The following PRELID3A variants were observed in gnomAD, a reference collection of about 807,000 sequenced individuals.
PRELID3A encodes the protein PRELI domain containing 3A.
PRELID3A carries 27 observed loss-of-function variants against 23.0 expected under a neutral mutation model. The ratio of observed to expected loss-of-function variants is 1.17; its 90% CI spans 0.87 to 1.62. The LOEUF is 1.62. Ranked by LOEUF, PRELID3A falls within the 40% of genes most tolerant of loss-of-function variation. PRELID3A has a pLI of 0.00. For synonymous variants in PRELID3A, 87 were observed against 86.4 expected, an observed-to-expected ratio of 1.01 and a Z score of -0.04; for missense variants, 231 against 231.4, an observed-to-expected ratio of 1.00 and a Z score of 0.01.
chr18:12,429,221 A>G lies in PRELID3A; in HGVS notation c.466-129A>G, dbSNP rs2030479539. The G allele has an allele frequency of 1.1e-5, 8 of 724,692 alleles. No individual in the cohort carries two copies. In the African/African-American group the frequency reaches 1.2e-4, roughly 11 times the overall value. The allele number at this position is 724,692 out of a possible 1,614,324, so 44.9% of individuals were successfully genotyped here. A position where few individuals can be genotyped will look rare whatever the true frequency, so the allele number is the denominator to read the frequency against. On this transcript the variant is annotated intron_variant, in intron 5 of 6. Transcript: ENST00000440960. ...CTGCCTGTGTGAAGATCACTCGGAA[A>G]GGTCACTGCTGTGTCTCCTTGTAAC...
intron 3 of PRELID3A, among the ~76,000 whole-genome samples, chr18:12,423,878 C>T (rs1442874940): frequency 2.0e-5 from 3 of 152,208 alleles, no homozygotes; most frequent in Admixed American, 6.5e-5. Flanking sequence ...CAGAGGGCCT[C>T]GGGAGCTCCT....
At chr18:12,424,110 G>A (rs1277357228) in intron 3 of PRELID3A, among the ~76,000 whole-genome samples, 1 of 152,296 alleles carries the variant, frequency 6.6e-6, no homozygotes, top group East Asian at 1.9e-4. Flanking sequence ...CTTGTCCCAG[G>A]CTGCACAAAG....
intron 2 of PRELID3A, chr18:12,421,272 C>G: frequency 2.3e-6 from 1 of 441,376 alleles, no homozygotes. Flanking sequence ...GAGGGGCCTC[C>G]TAGCTCCACT....
intron 6 of PRELID3A, among the ~76,000 whole-genome samples, chr18:12,429,643 G>A (rs999430989): frequency 3.3e-5 from 5 of 152,190 alleles, no homozygotes; most frequent in African/African-American, 9.6e-5. Context: ...TTTAGATTCC[G>A]AGGAAGCTTG....
intron 1 of PRELID3A, among the ~76,000 whole-genome samples, chr18:12,411,094 A>C (rs1909892235): frequency 6.6e-6 from 1 of 152,168 alleles, no homozygotes. Flanking sequence ...ACAGCAGTGT[A>C]AACACTCAGA....
intron 3 of PRELID3A, among the ~76,000 whole-genome samples, chr18:12,422,603 C>T (rs185396497): frequency 6.6e-6 from 1 of 151,946 alleles, no homozygotes; most frequent in Non-Finnish European, 1.5e-5. Flanking sequence ...GTGATCCACC[C>T]GCCTCAGCCT....
intron 1 of PRELID3A, among the ~76,000 whole-genome samples, chr18:12,408,512 G>A (rs192670900): frequency 1.9e-3 from 290 of 152,340 alleles, no homozygotes; most frequent in Non-Finnish European, 3.5e-3. Context: ...GGGGCAGAAG[G>A]CATTTCGGGG....
At chr18:12,408,320 C>CGGGGCG (rs1428807074) in intron 1 of PRELID3A, among the ~76,000 whole-genome samples, 3 of 150,254 alleles carry the variant, frequency 2.0e-5, no homozygotes, top group Non-Finnish European at 3.0e-5. Flanking sequence ...CGGGGGCGGC[C>CGGGGCG]GGGGCGGGGG....
At chr18:12,409,049 ATATTT>A (rs2143310278) in intron 1 of PRELID3A, among the ~76,000 whole-genome samples, 1 of 151,984 alleles carries the variant, frequency 6.6e-6, no homozygotes, top group East Asian at 1.9e-4. Flanking sequence ...TAAGCATTAA[ATATTT>A]TATTTTGGGG....
In PRELID3A at chr18:12,429,381, ACT is replaced by A. The variant is rs1420491706; in HGVS notation, c.500_501del (p.Ser167Ter). 6.2e-7 allele frequency: 1 copy of A among 1,613,522 alleles called. No individual in the cohort carries two copies. The highest frequency in any genetic ancestry group is 8.5e-7 in the Non-Finnish European group (1 of 1,179,946). ...GCTGCTATCGAGTGGATAATTGAAC[ACT>A]CTGAAAGCGCTGTGAGCTAAGGAGG... On this transcript the variant is annotated frameshift_variant, in exon 6 of 7. Transcript: ENST00000440960. LOFTEE classifies it high-confidence loss of function.
intron 1 of PRELID3A, among the ~76,000 whole-genome samples, chr18:12,415,763 C>T (rs1011620272): frequency 2.6e-5 from 4 of 152,218 alleles, no homozygotes; most frequent in Non-Finnish European, 5.9e-5. Flanking sequence ...CCTCCTTCTT[C>T]ATCTTCCCGA....
chr18:12,420,868 G>A (rs1164608433), intron 2 of PRELID3A, among the ~76,000 whole-genome samples: 1 of 151,650 alleles, frequency 6.6e-6, no homozygotes, highest in Non-Finnish European at 1.5e-5. Context: ...CGTGGCGTCT[G>A]GCATCCCCAT....
intron 1 of PRELID3A, among the ~76,000 whole-genome samples, chr18:12,408,292 G>A (rs1475971820): frequency 6.6e-6 from 1 of 151,598 alleles, no homozygotes; most frequent in East Asian, 1.9e-4. Context: ...TCGACAGCCA[G>A]GGCGGGGGCA....
At chr18:12,411,465 CAAAA>C (rs398059054) in intron 1 of PRELID3A, among the ~76,000 whole-genome samples, 2 of 89,658 alleles carry the variant, frequency 2.2e-5, no homozygotes, top group African/African-American at 4.6e-5. Context: ...GACTCCGTCT[CAAAA>C]AAAAAAAAAA....
At chr18:12,428,026 T>G (rs2030435321) in intron 5 of PRELID3A, among the ~76,000 whole-genome samples, 2 of 152,320 alleles carry the variant, frequency 1.3e-5, no homozygotes, top group South Asian at 4.1e-4. Flanking sequence ...TATTCAGGAC[T>G]TATAGTAGTT....
intron 3 of PRELID3A, 54 bp from the exon 4 acceptor site, chr18:12,426,987 G>A (rs1314276258): frequency 7.3e-7 from 1 of 1,376,906 alleles, no homozygotes; most frequent in Non-Finnish European, 1.0e-6. Context: ...TGGGCAGTTG[G>A]CTTCAGAAGA....
At chr18:12,420,136 C>CCTAG in intron 1 of PRELID3A, 189 bp from the exon 2 acceptor site, 1 of 1,426,006 alleles carries the variant, frequency 7.0e-7, no homozygotes, top group Non-Finnish European at 9.1e-7. Context: ...CTGCCAGGTG[C>CCTAG]CGAGGCGTGC....
At chr18:12,426,350 C>T (rs369637535) in intron 3 of PRELID3A, among the ~76,000 whole-genome samples, 24 of 150,678 alleles carry the variant, frequency 1.6e-4, no homozygotes, top group Non-Finnish European at 2.5e-4. Context: ...GTCAGGAGAT[C>T]GAGACCATCC....
At chr18:12,419,722 G>A (rs1283555832) in intron 1 of PRELID3A, among the ~76,000 whole-genome samples, 13 of 151,974 alleles carry the variant, frequency 8.6e-5, no homozygotes, top group South Asian at 2.1e-4. Flanking sequence ...GGCAGATCAC[G>A]AGGTCAGGAG....
Sources: allele counts gnomAD v4.1 joint callset (sites outside exome capture counted in the v4.1 genomes callset), GRCh38; gene constraint gnomAD v4.1.1; transcripts MANE v1.5; gene names NCBI Gene and HGNC (gene_info 2026-07-23, HGNC 2026-07-21).